Variants in SDK1 observed in about 807,000 individuals in gnomAD.
The protein encoded by SDK1 is protein sidekick-1.
A neutral mutation model predicts 245.5 loss-of-function variants in SDK1; 157 were observed. The ratio of observed to expected loss-of-function variants is 0.64; its 90% CI spans 0.56 to 0.73. The LOEUF is 0.73. Among genes scored for constraint, SDK1 ranks in the 30% least tolerant of loss-of-function variants. The pLI, the probability that SDK1 is intolerant of heterozygous loss-of-function variation, is 0.00. For missense variants in SDK1, 3,583 were observed against 3,002.3 expected, an observed-to-expected ratio of 1.19 and a Z score of -4.52; for synonymous variants, 1,647 against 1,278.5, an observed-to-expected ratio of 1.29 and a Z score of -6.15.
At chr7:3,951,230 C>T (rs1780806110) in intron 6 of SDK1, among the ~76,000 whole-genome samples, 196 bp downstream of exon 6, 1 of 151,964 alleles carries the variant, frequency 6.6e-6, no homozygotes, top group African/African-American at 2.4e-5. Context: ...TCCCCCACTG[C>T]AACAGGGCGG....
At chr7:3,791,115 A>G (rs1381039179) in intron 4 of SDK1, among the ~76,000 whole-genome samples, 2 of 152,076 alleles carry the variant, frequency 1.3e-5, no homozygotes, top group Non-Finnish European at 2.9e-5. Context: ...AGCTCTTAGA[A>G]CAGTGACTGG....
chr7:3,463,151 C>A (rs1409939275), intron 1 of SDK1, among the ~76,000 whole-genome samples: 1 of 152,160 alleles, frequency 6.6e-6, no homozygotes, highest in Non-Finnish European at 1.5e-5. Flanking sequence ...TTCCCTGACT[C>A]CATGGAGATG....
chr7:3,791,200 A>T (rs1159730070), intron 4 of SDK1, among the ~76,000 whole-genome samples: 1 of 152,104 alleles, frequency 6.6e-6, no homozygotes, highest in East Asian at 1.9e-4. Context: ...AAGGGCTGAG[A>T]TGGCAGACAA....
chr7:3,304,605 C>T (rs1779368905), intron 1 of SDK1, among the ~76,000 whole-genome samples: 1 of 152,188 alleles, frequency 6.6e-6, no homozygotes, highest in South Asian at 2.1e-4. Context: ...TATGGTTCTC[C>T]AGCTTTGGTA....
chr7:3,375,296 T>C (rs935587164), intron 1 of SDK1, among the ~76,000 whole-genome samples: 1 of 152,150 alleles, frequency 6.6e-6, no homozygotes, highest in African/African-American at 2.4e-5. Flanking sequence ...ATCAGTATAA[T>C]ACTGACCCAG....
chr7:3,933,431 C>T (rs901561689), intron 5 of SDK1, among the ~76,000 whole-genome samples: 4 of 152,212 alleles, frequency 2.6e-5, no homozygotes, highest in African/African-American at 9.6e-5. Context: ...TGTTCGGACA[C>T]GGGATGCTGT....
At chr7:3,561,603 C>G (rs1779754238) in intron 1 of SDK1, among the ~76,000 whole-genome samples, 1 of 152,162 alleles carries the variant, frequency 6.6e-6, no homozygotes, top group African/African-American at 2.4e-5. Context: ...ATGGTAAATG[C>G]TCAGTAAATA....
intron 7 of SDK1, among the ~76,000 whole-genome samples, chr7:3,958,492 A>G (rs1781433448): frequency 6.6e-6 from 1 of 152,214 alleles, no homozygotes; most frequent in Middle Eastern, 3.2e-3. Context: ...AAGAACTGCT[A>G]AGAATTTTAA....
At chr7:3,666,195 G>A (rs533912565) in intron 4 of SDK1, among the ~76,000 whole-genome samples, 10 of 152,174 alleles carry the variant, frequency 6.6e-5, no homozygotes, top group South Asian at 2.1e-4. Context: ...AGTAGTTTCC[G>A]GGCCTCAAGA....
At chr7:3,569,721 T>G (rs1780048015) in intron 1 of SDK1, among the ~76,000 whole-genome samples, 1 of 152,222 alleles carries the variant, frequency 6.6e-6, no homozygotes, top group Non-Finnish European at 1.5e-5. Flanking sequence ...GGTTAATTGG[T>G]ATGGATTTTT....
At chr7:3,329,013 A>G (rs928690765) in intron 1 of SDK1, among the ~76,000 whole-genome samples, 2 of 152,146 alleles carry the variant, frequency 1.3e-5, no homozygotes. Context: ...GGTCTCATCA[A>G]TGTAGTCTTT....
At chr7:3,763,609 A>G (rs750200530) in intron 4 of SDK1, among the ~76,000 whole-genome samples, 4 of 152,228 alleles carry the variant, frequency 2.6e-5, no homozygotes, top group African/African-American at 9.6e-5. Context: ...ATTTGCACAC[A>G]ATAAAATGGA....
chr7:3,971,708 G>C, intron 12 of SDK1, 140 bp downstream of exon 12: 1 of 673,424 alleles, frequency 1.5e-6, no homozygotes. Flanking sequence ...TCTGGTTGTG[G>C]GCACCGTCAT....
chr7:3,520,323 A>T (rs1179735702), intron 1 of SDK1, among the ~76,000 whole-genome samples: 1 of 152,184 alleles, frequency 6.6e-6, no homozygotes, highest in East Asian at 1.9e-4. Context: ...TAGGTTGTCA[A>T]CCTAGGTAAG....
chr7:4,158,298 C>T, intron 30 of SDK1, 150 bp from the exon 31 acceptor site: 1 of 621,570 alleles, frequency 1.6e-6, no homozygotes, highest in East Asian at 2.8e-5. Context: ...AGAACAGCCT[C>T]CTTGCTAAGC....
intron 5 of SDK1, among the ~76,000 whole-genome samples, chr7:3,836,995 A>G (rs2115082021): frequency 6.6e-6 from 1 of 152,198 alleles, no homozygotes; most frequent in Middle Eastern, 3.4e-3. Flanking sequence ...CGAGCTTTAG[A>G]GAGCTCTGGT....
At chr7:3,466,979 T>TCTACACACACACAC (rs1554275624) in intron 1 of SDK1, among the ~76,000 whole-genome samples, 2 of 127,544 alleles carry the variant, frequency 1.6e-5, no homozygotes, top group African/African-American at 3.1e-5. Context: ...TCTCTCTCTC[T>TCTACACACACACAC]ACACACACAC....
intron 4 of SDK1, among the ~76,000 whole-genome samples, chr7:3,731,309 A>G (rs1043148543): frequency 6.6e-6 from 1 of 152,188 alleles, no homozygotes; most frequent in Non-Finnish European, 1.5e-5. Flanking sequence ...AAGTGCTTCT[A>G]CAAGCTGCTG....
intron 4 of SDK1, among the ~76,000 whole-genome samples, chr7:3,669,075 A>G (rs1157670169): frequency 6.6e-6 from 1 of 152,242 alleles, no homozygotes; most frequent in Non-Finnish European, 1.5e-5. Context: ...TAAAAAGGAC[A>G]CATTCCAGGG....
Sources: gnomAD v4.1 joint callset for allele counts (sites outside exome capture counted in the v4.1 genomes callset) on GRCh38, gnomAD v4.1.1 for gene constraint, MANE v1.5 for transcripts, NCBI Gene and HGNC (gene_info 2026-07-23, HGNC 2026-07-21) for gene names.